The following RAC1 variants were observed in gnomAD, a reference collection of about 807,000 sequenced individuals.
RAC1 encodes the protein ras-related C3 botulinum toxin substrate 1.
RAC1 carries 2 observed loss-of-function variants against 25.2 expected under a neutral mutation model. The observed-to-expected ratio is 0.08, with a 90% confidence interval of 0.03 to 0.25. The LOEUF is 0.25. Ranked by LOEUF, RAC1 falls within the 10% of genes least tolerant of loss-of-function variation. The pLI is 1.00. For synonymous variants in RAC1, 88 were observed against 94.0 expected, an observed-to-expected ratio of 0.94 and a Z score of 0.37; for missense variants, 50 against 235.7, an observed-to-expected ratio of 0.21 and a Z score of 5.16.
rs542199080 is a variant in RAC1 at position 6,379,917 on chromosome 7, A to G, written c.35+5147A>G. On this transcript the variant is annotated intron_variant, in intron 1 of 5. Coordinates refer to ENST00000348035, the MANE Select transcript of RAC1 (RefSeq NM_006908.5). The stretch of plus-strand genomic sequence containing the variant: ...GCCCGAGCCACTGCGCCCGGCCACA[A>G]CTATTTTAATAGTGTTGTTTTGGTG... Among the ~76,000 whole-genome samples, 7 of 152,122 alleles carry G rather than the reference A, an allele frequency of 4.6e-5. No individual in the cohort carries two copies. The South Asian group carries it at 1.2e-3, about 27-fold the overall frequency.
intron 1 of RAC1, among the ~76,000 whole-genome samples, chr7:6,386,375 T>A (rs1160826267): frequency 6.6e-6 from 1 of 152,222 alleles, no homozygotes; most frequent in Non-Finnish European, 1.5e-5. Flanking sequence ...CAGTCATTGC[T>A]GATTGCCATA....
chr7:6,401,976 A>C lies in RAC1; in HGVS notation c.397A>C (p.Lys133Gln), dbSNP rs5835. The C allele has an allele frequency of 3.1e-6, 5 of 1,614,172 alleles. No homozygotes were observed. The highest frequency in any genetic ancestry group is 1.1e-5 in the South Asian group (1 of 91,082). Residue 133 changes from lysine to glutamine, a missense_variant, in exon 5 of 6, where the codon AAG (lysine) becomes CAG (glutamine). Transcript: ENST00000348035. The stretch of plus-strand genomic sequence containing the variant: ...CACGATCGAGAAACTGAAGGAGAAG[A>C]AGCTGACTCCCATCACCTATCCGCA... ...KDTIEKLKEK[K>Q]LTPITYPQGL... is the part of the protein sequence containing the mutation.
chr7:6,399,183 T>G (rs1562469833), intron 3 of RAC1, among the ~76,000 whole-genome samples: 1 of 152,222 alleles, frequency 6.6e-6, no homozygotes, highest in Non-Finnish European at 1.5e-5. Flanking sequence ...GCGGTGATTC[T>G]TGGACGAGCT....
intron 2 of RAC1, 41 bp downstream of exon 2, chr7:6,387,324 G>C (rs755582816): frequency 1.5e-6 from 2 of 1,331,820 alleles, no homozygotes; most frequent in Admixed American, 2.2e-5. Flanking sequence ...TTGTGTTACG[G>C]GTTTCACATT....
At chr7:6,385,351 G>C (rs1346846358) in intron 1 of RAC1, among the ~76,000 whole-genome samples, 1 of 152,088 alleles carries the variant, frequency 6.6e-6, no homozygotes, top group Admixed American at 6.6e-5. Context: ...CAGTAGTTTG[G>C]GGATGGAGCT....
At chr7:6,399,999 T>G in intron 3 of RAC1, 127 bp from the exon 4 acceptor site, 1 of 845,952 alleles carries the variant, frequency 1.2e-6, no homozygotes, top group African/African-American at 1.7e-5. Flanking sequence ...TCAGGAAGCG[T>G]CTGACCACAC....
rs1304103500 is a variant in RAC1 at position 6,401,920 on chromosome 7, G to A, written c.341G>A (p.Gly114Glu). 6.2e-7 allele frequency: 1 copy of A among 1,614,120 alleles called. No homozygotes were observed. Among genetic ancestry groups the A allele is most frequent in the African/African-American group, 1.3e-5 (1 of 75,026 alleles). The change falls in exon 5 of 6, where the codon GGA becomes GAA. Residue 114 changes from glycine (G) to glutamate (E), a missense_variant. Transcript: ENST00000348035. ...HCPNTPIILVGTKLDLRDDKD... is the reference protein window; with the variant it reads ...HCPNTPIILVETKLDLRDDKD... ...CCCAACACTCCCATCATCCTAGTGG[G>A]AACTAAACTTGATCTTAGGGATGAT...
At chr7:6,397,811 A>G (rs1783286704) in intron 3 of RAC1, among the ~76,000 whole-genome samples, 1 of 151,842 alleles carries the variant, frequency 6.6e-6, no homozygotes, top group Admixed American at 6.6e-5. Flanking sequence ...AACATGGTGA[A>G]ACCTGGTCTC....
At chr7:6,397,860 G>T (rs1783288740) in intron 3 of RAC1, among the ~76,000 whole-genome samples, 1 of 152,116 alleles carries the variant, frequency 6.6e-6, no homozygotes, top group African/African-American at 2.4e-5. Context: ...GTGGTGGTGT[G>T]TGCCTGTAGT....
At chr7:6,394,754 C>T (rs560145957) in intron 3 of RAC1, among the ~76,000 whole-genome samples, 2 of 152,278 alleles carry the variant, frequency 1.3e-5, no homozygotes, top group South Asian at 2.1e-4. Context: ...GATCTTGGCT[C>T]ACTGCAACCT....
intron 1 of RAC1, among the ~76,000 whole-genome samples, chr7:6,386,385 A>T (rs918382369): frequency 3.9e-5 from 6 of 152,148 alleles, no homozygotes; most frequent in Non-Finnish European, 8.8e-5. Flanking sequence ...TGATTGCCAT[A>T]GGGGAGGCTG....
intron 5 of RAC1, 90 bp from the exon 6 acceptor site, chr7:6,402,225 GC>G: frequency 6.6e-7 from 1 of 1,512,418 alleles, no homozygotes. Flanking sequence ...GGCAGAAGGC[GC>G]CCGGGCCCCA....
intron 3 of RAC1, among the ~76,000 whole-genome samples, chr7:6,396,183 A>C (rs1455115019): frequency 6.6e-6 from 1 of 152,214 alleles, no homozygotes; most frequent in Non-Finnish European, 1.5e-5. Context: ...CTGAGGCTCC[A>C]GAACACACAA....
chr7:6,376,058 T>G (rs546169461), intron 1 of RAC1: 1 of 152,194 alleles, frequency 6.6e-6, no homozygotes, highest in East Asian at 1.9e-4. Context: ...GGACAGATTT[T>G]GGTTCTTGCA....
chr7:6,401,640 G>GTGGTTCTGTCCAGCCA (rs1783405737), intron 4 of RAC1: 1 of 357,228 alleles, frequency 2.8e-6, no homozygotes, highest in African/African-American at 2.1e-5. Context: ...CTGTCCGGTC[G>GTGGTTCTGTCCAGCCA]TGGTTCTGTC....
At chr7:6,400,877 G>A (rs1005950433) in intron 4 of RAC1, among the ~76,000 whole-genome samples, 10 of 151,972 alleles carry the variant, frequency 6.6e-5, no homozygotes, top group African/African-American at 2.2e-4. Context: ...GTTTCTCCAC[G>A]TCAGTCAGGC....
In RAC1 at chr7:6,387,197, T is replaced by G. The variant is rs943111867; in HGVS notation, c.36-15T>G. Reference sequence around the variant, plus strand: ...TTCATGTTGACTAAGCAACCTTTTTTCTCTTTCTCTTTAGAGCTGTAGGTA... The same window carrying G: ...TTCATGTTGACTAAGCAACCTTTTTGCTCTTTCTCTTTAGAGCTGTAGGTA... On this transcript the variant is annotated splice_polypyrimidine_tract_variant and intron_variant, in intron 1 of 5. Transcript: ENST00000348035. The G allele has an allele frequency of 6.5e-7, 1 of 1,529,198 alleles. No individual in the cohort carries two copies. Among genetic ancestry groups the G allele is most frequent in the African/African-American group, 1.4e-5 (1 of 70,340 alleles). 94.7% of individuals were successfully genotyped at this position (1,529,198 alleles called of 1,614,324 possible).
rs1783442213 is a variant in RAC1, at chr7:6,402,528, A to AAAAC, written c.*85_*86insCAAA. On this transcript the variant is annotated 3_prime_UTR_variant, in exon 6 of 6. Transcript: ENST00000348035. ...AAAAAAAAACAAAAAAAAAAAACAA[A>AAAAC]AAAAAAAAACAACGGTGGAGCCTTC... 8.7e-7 allele frequency: 1 copy of AAAAC among 1,147,582 alleles called. No individual in the cohort carries two copies. The highest frequency in any genetic ancestry group is 1.7e-5 in the African/African-American group (1 of 59,128). 71.1% of individuals were successfully genotyped at this position (1,147,582 alleles called of 1,614,324 possible). A position where few individuals can be genotyped will look rare whatever the true frequency, so the allele number is the denominator to read the frequency against.
Position 6,387,295 on chromosome 7 carries a change from A to C in RAC1, c.107+12A>C. On this transcript the variant is annotated intron_variant, in intron 2 of 5. Coordinates refer to ENST00000348035, the MANE Select transcript of RAC1 (RefSeq NM_006908.5). ...TATATCCCTACTGTGTAAGTATCTT[A>C]AATTGGGAATTAACCTGTTTGTGTT... 6.6e-7 allele frequency: 1 copy of C among 1,520,912 alleles called. No individual in the cohort carries two copies. The highest frequency in any genetic ancestry group is 8.9e-7 in the Non-Finnish European group (1 of 1,121,146). The allele number at this position is 1,520,912 out of a possible 1,614,324, so 94.2% of individuals were successfully genotyped here.
Sources: gnomAD v4.1 joint callset for allele counts (sites outside exome capture counted in the v4.1 genomes callset) on GRCh38, gnomAD v4.1.1 for gene constraint, MANE v1.5 for transcripts, NCBI Gene and HGNC (gene_info 2026-07-23, HGNC 2026-07-21) for gene names.